The following POM121 variants were observed in gnomAD, a reference collection of about 807,000 sequenced individuals.
POM121 encodes the protein nuclear envelope pore membrane protein POM 121.
POM121 carries 32 observed loss-of-function variants against 81.3 expected under a neutral mutation model. The observed-to-expected ratio is 0.39, with a 90% CI of 0.30 to 0.53. POM121 has a LOEUF of 0.53. Ranked by LOEUF, POM121 falls within the 20% of genes least tolerant of loss-of-function variation. The pLI is 0.66. For synonymous variants in POM121, 514 were observed against 694.2 expected (o/e 0.74, Z 4.08); for missense variants, 1,138 against 1,614.6 (o/e 0.70, Z 5.06).
rs782676786 is a variant in POM121, at chr7:72,926,508, C to T, written c.860+31C>T. On this transcript the variant is annotated intron_variant, in intron 2 of 12. Transcript: ENST00000434423. ...TATTATCGTTGGAAGAATACTCTCC[C>T]TTTTCGTGTCCACTTTATTCTTCTC... The T allele has an allele frequency of 7.4e-6, 12 of 1,612,184 alleles. No individual in the cohort carries two copies. In the African/African-American group the frequency reaches 1.3e-4, roughly 18 times the overall value.
At chr7:72,949,140 G>C (rs782538186), downstream of POM121, 5 of 1,384,400 alleles carry the variant, frequency 3.6e-6, no homozygotes, top group Non-Finnish European at 5.1e-6. Flanking sequence ...AGCTTCACAG[G>C]CTGCCTCAGT....
rs782100248 is a variant in POM121, at chr7:72,946,235, C to A, written c.*1C>A. 1.9e-6 allele frequency: 3 copies of A among 1,611,222 alleles called. No homozygotes were observed. The highest frequency in any genetic ancestry group is 2.2e-5 in the East Asian group (1 of 44,858). On this transcript the variant is annotated 3_prime_UTR_variant, in exon 13 of 13. Transcript: ENST00000434423. Reference sequence around the variant, plus strand: ...AAGGCAGCACACCCGCAAAAAGTAGCCTTTGTCCCCTGTCCCTGTTCCCCC... The same window carrying A: ...AAGGCAGCACACCCGCAAAAAGTAGACTTTGTCCCCTGTCCCTGTTCCCCC...
At chr7:72,879,509 C>T (rs1204157393) in exon 1 of POM121, 12 of 251,114 alleles carry the variant, frequency 4.8e-5, no homozygotes, top group Admixed American at 1.2e-4. Context: ...GCCCAGGGTT[C>T]GCGCGGGCCG....
chr7:72,948,612 A>T (rs377165230), downstream of POM121: 3 of 1,605,598 alleles, frequency 1.9e-6, no homozygotes, highest in African/African-American at 4.0e-5. Flanking sequence ...AGAAATGTAG[A>T]TGTTAGATGT....
upstream of POM121, among the ~76,000 whole-genome samples, chr7:72,922,734 T>C (rs1346665236): frequency 6.6e-6 from 1 of 152,122 alleles, no homozygotes; most frequent in Non-Finnish European, 1.5e-5. Flanking sequence ...TATATTTTCC[T>C]AAATGATTTG....
chr7:72,925,991 C>T (rs1410942133), intron 1 of POM121, among the ~76,000 whole-genome samples: 1 of 152,024 alleles, frequency 6.6e-6, no homozygotes, highest in Non-Finnish European at 1.5e-5. Flanking sequence ...CTAAAAACTC[C>T]TCGAATTTTA....
At chr7:72,933,239 A>G (rs1796196255) in intron 5 of POM121, among the ~76,000 whole-genome samples, 1 of 151,984 alleles carries the variant, frequency 6.6e-6, no homozygotes, top group Admixed American at 6.6e-5. Context: ...CTGTAATCCC[A>G]GTTACTTGGG....
At position 72,943,472 on chromosome 7, in the gene POM121, C is replaced by T. The variant is rs202122763; in HGVS notation, c.3479C>T (p.Pro1160Leu). 3.5e-5 allele frequency: 57 copies of T among 1,612,650 alleles called. No individual in the cohort carries two copies. Among genetic ancestry groups the T allele is most frequent in the Non-Finnish European group, 4.7e-5 (55 of 1,179,854 alleles). The change falls in exon 11 of 13, where the codon CCG becomes CTG. Residue 1160 changes from proline to leucine, a missense_variant. Transcript: ENST00000434423. ...NALGTTGQST[P>L]FAFNVSSTTE... ...CTGGGCACCACCGGCCAGAGCACAC[C>T]GTTTGCCTTCAACGTGAGCAGCACA...
At chr7:72,885,754 A>G (rs1790639303) in intron 1 of POM121, among the ~76,000 whole-genome samples, 2 of 148,790 alleles carry the variant, frequency 1.3e-5, no homozygotes, top group East Asian at 1.9e-4. Flanking sequence ...GGATGTATAA[A>G]CCGTTTACAT....
chr7:72,924,106 G>GTTT (rs11341062), upstream of POM121, among the ~76,000 whole-genome samples: 1 of 144,848 alleles, frequency 6.9e-6, no homozygotes. Flanking sequence ...GCCCGGCTAA[G>GTTT]TTTTTTTTTT....
chr7:72,911,853 G>C (rs1338469797), intron 3 of POM121, among the ~76,000 whole-genome samples: 1 of 152,196 alleles, frequency 6.6e-6, no homozygotes, highest in African/African-American at 2.4e-5. Flanking sequence ...TCCCACCAAA[G>C]TACAAGAGTC....
At chr7:72,900,355 C>A (rs1792479694) in intron 3 of POM121, among the ~76,000 whole-genome samples, 1 of 145,460 alleles carries the variant, frequency 6.9e-6, no homozygotes, top group Non-Finnish European at 1.5e-5. Flanking sequence ...TCATTTGCAT[C>A]CTCTCTTTTT....
intron 1 of POM121, among the ~76,000 whole-genome samples, chr7:72,886,905 A>G (rs1790774659): frequency 6.7e-6 from 1 of 150,006 alleles, no homozygotes; most frequent in Non-Finnish European, 1.5e-5. Context: ...TGTTTTGGGG[A>G]TCATTGAACT....
downstream of POM121, chr7:72,948,923 C>T: frequency 6.2e-7 from 1 of 1,612,782 alleles, no homozygotes; most frequent in Non-Finnish European, 8.5e-7. Context: ...TGCAGCGCAT[C>T]TTGTACCATG....
downstream of POM121, chr7:72,949,928 G>A (rs782732943): frequency 1.9e-5 from 31 of 1,612,104 alleles, no homozygotes; most frequent in East Asian, 1.1e-4. Flanking sequence ...GGAGCCTGGC[G>A]GGGGTCCAGC....
intron 6 of POM121, 119 bp downstream of exon 6, chr7:72,938,800 C>CT (rs1214123988): frequency 1.6e-6 from 2 of 1,226,654 alleles, no homozygotes; most frequent in Non-Finnish European, 2.4e-6. Flanking sequence ...ATCAAAGAAA[C>CT]TTAAGTCCCT....
rs182853253 is a variant in POM121, at chr7:72,914,768, G to T, written c.-152+940G>T. Among the ~76,000 whole-genome samples, 9 of 152,276 alleles carry T rather than the reference G, an allele frequency of 5.9e-5. No individual in the cohort carries two copies. In the East Asian group the frequency reaches 1.7e-3, roughly 29 times the overall value. On this transcript the variant is annotated intron_variant, in intron 4 of 15. Coordinates refer to the POM121 transcript ENST00000395270. ...AATAGTGAGTTTGTGAGTAGAAGGTGTGTGTTTCTCCTTTTCGTGTGGGTG... is the reference window on the plus strand; with the variant it reads ...AATAGTGAGTTTGTGAGTAGAAGGTTTGTGTTTCTCCTTTTCGTGTGGGTG...
At chr7:72,932,376 A>G (rs1171466723) in intron 5 of POM121, among the ~76,000 whole-genome samples, 1 of 151,372 alleles carries the variant, frequency 6.6e-6, no homozygotes, top group African/African-American at 2.4e-5. Flanking sequence ...GCTTTTTCAC[A>G]TAATAGATAG....
In POM121 at chr7:72,928,381, G is replaced by A. The variant is rs556812194; in HGVS notation, c.1023-4G>A. 32 of 1,613,934 alleles carry A rather than the reference G, an allele frequency of 2.0e-5. No individual in the cohort carries two copies. In the East Asian group the frequency reaches 3.1e-4, roughly 16 times the overall value. ...TTCATTGAGACTTTTTTGATTTGTC[G>A]CAGGCGCCATGATAGCAGTGGCAGT... On this transcript the variant is annotated splice_region_variant and splice_polypyrimidine_tract_variant and intron_variant, in intron 3 of 12. Coordinates refer to ENST00000434423, the MANE Select transcript of POM121 (RefSeq NM_001387691.1).
Sources: gnomAD v4.1 joint callset for allele counts (sites outside exome capture counted in the v4.1 genomes callset) on GRCh38, gnomAD v4.1.1 for gene constraint, MANE v1.5 for transcripts, NCBI Gene and HGNC (gene_info 2026-07-23, HGNC 2026-07-21) for gene names.